SEMA6D: variants seen among roughly 807,000 people sequenced by gnomAD.
SEMA6D encodes semaphorin 6D, also known as semaphorin-6D.
SEMA6D carries 35 observed loss-of-function variants against 106.6 expected under a neutral mutation model. That is an observed-to-expected ratio of 0.33 (90% CI 0.25 to 0.44). SEMA6D has a LOEUF of 0.44. SEMA6D is among the 20% of genes least tolerant of loss of function. The pLI is 1.00. For missense variants in SEMA6D, 1,185 were observed against 1,345.9 expected, an observed-to-expected ratio of 0.88 and a Z score of 1.87; for synonymous variants, 499 against 487.7, an observed-to-expected ratio of 1.02 and a Z score of -0.31.
intron 2 of SEMA6D, among the ~76,000 whole-genome samples, chr15:47,442,675 C>T (rs2041916211): frequency 6.6e-6 from 1 of 152,078 alleles, no homozygotes; most frequent in African/African-American, 2.4e-5. Flanking sequence ...CTGGAAAGTG[C>T]TATACAAGTC....
chr15:47,605,078 G>A (rs1309810464), intron 4 of SEMA6D, among the ~76,000 whole-genome samples: 10 of 152,100 alleles, frequency 6.6e-5, no homozygotes, highest in Non-Finnish European at 1.3e-4. Context: ...AACACATGCT[G>A]TCTCACATAG....
intron 1 of SEMA6D, among the ~76,000 whole-genome samples, chr15:47,719,028 G>A (rs111238690): frequency 3.0e-3 from 452 of 152,252 alleles, no homozygotes; most frequent in African/African-American, 0.01. Context: ...GGTCATAAAG[G>A]ACTTGGAAGT....
chr15:47,521,612 A>T (rs1416702778), intron 3 of SEMA6D, among the ~76,000 whole-genome samples: 1 of 152,190 alleles, frequency 6.6e-6, no homozygotes, highest in Non-Finnish European at 1.5e-5. Context: ...TTGCGATTAC[A>T]ATCTCCTTAG....
chr15:47,260,284 G>T (rs12441169), intron 1 of SEMA6D, among the ~76,000 whole-genome samples: 67,167 of 151,428 alleles, frequency 0.44, 16,660 homozygotes, highest in Non-Finnish European at 0.56. Flanking sequence ...TGGACATTTT[G>T]TCTATTATGT....
chr15:47,601,738 T>C (rs1271918350), intron 4 of SEMA6D, among the ~76,000 whole-genome samples: 2 of 152,336 alleles, frequency 1.3e-5, no homozygotes, highest in East Asian at 3.9e-4. Context: ...AAGTTCTCCA[T>C]GTGTTAATTG....
intron 1 of SEMA6D, among the ~76,000 whole-genome samples, chr15:47,392,405 C>G (rs1355607332): frequency 6.6e-6 from 1 of 152,070 alleles, no homozygotes; most frequent in Non-Finnish European, 1.5e-5. Flanking sequence ...CCTGGGTGAG[C>G]TCAGTCTAAT....
chr15:47,640,798 T>G (rs1296338672), intron 4 of SEMA6D, among the ~76,000 whole-genome samples: 1 of 151,948 alleles, frequency 6.6e-6, no homozygotes, highest in Non-Finnish European at 1.5e-5. Context: ...CCCAAAGGAA[T>G]ATGATATTAA....
At chr15:47,476,824 C>A (rs567099127) in intron 3 of SEMA6D, among the ~76,000 whole-genome samples, 1 of 152,164 alleles carries the variant, frequency 6.6e-6, no homozygotes, top group South Asian at 2.1e-4. Flanking sequence ...TCTTAGCACC[C>A]CTGTACTTCC....
At chr15:47,715,616 C>G (rs939232521), upstream of SEMA6D, among the ~76,000 whole-genome samples, 1 of 152,128 alleles carries the variant, frequency 6.6e-6, no homozygotes, top group African/African-American at 2.4e-5. Flanking sequence ...ACGGCTAATC[C>G]ATGGCTTGAA....
At chr15:47,649,208 G>A (rs759194657) in intron 4 of SEMA6D, among the ~76,000 whole-genome samples, 6 of 152,236 alleles carry the variant, frequency 3.9e-5, no homozygotes, top group African/African-American at 1.4e-4. Flanking sequence ...AGGGCTTTAC[G>A]TGTCACTTAA....
At chr15:47,364,005 C>G (rs371319559) in intron 1 of SEMA6D, among the ~76,000 whole-genome samples, 1 of 152,154 alleles carries the variant, frequency 6.6e-6, no homozygotes, top group African/African-American at 2.4e-5. Context: ...GGGGAAACCA[C>G]TCCCATAATC....
intron 1 of SEMA6D, among the ~76,000 whole-genome samples, chr15:47,291,676 AT>A (rs1202309696): frequency 1.3e-5 from 2 of 152,250 alleles, no homozygotes; most frequent in Non-Finnish European, 2.9e-5. Flanking sequence ...TTGTCCCACT[AT>A]TATCTATAAT....
chr15:47,470,933 A>G (rs1422706899), intron 3 of SEMA6D, among the ~76,000 whole-genome samples: 2 of 152,196 alleles, frequency 1.3e-5, no homozygotes, highest in African/African-American at 4.8e-5. Flanking sequence ...CCCAAATTTT[A>G]TTCAATGTAA....
intron 4 of SEMA6D, among the ~76,000 whole-genome samples, chr15:47,619,396 A>T (rs1457202469): frequency 6.6e-6 from 1 of 152,214 alleles, no homozygotes; most frequent in East Asian, 1.9e-4. Flanking sequence ...GCATTAGATG[A>T]CAAGTCGCAC....
At chr15:47,240,028 C>A (rs563313250) in intron 1 of SEMA6D, among the ~76,000 whole-genome samples, 16 of 152,184 alleles carry the variant, frequency 1.1e-4, no homozygotes, top group African/African-American at 3.6e-4. Flanking sequence ...ATTTGTATAA[C>A]ATGATTATTA....
intron 4 of SEMA6D, among the ~76,000 whole-genome samples, chr15:47,711,782 G>A (rs543001888): frequency 2.6e-5 from 4 of 151,016 alleles, no homozygotes; most frequent in Non-Finnish European, 5.9e-5. Context: ...AGAAAAGATT[G>A]TTTTCATTTT....
intron 1 of SEMA6D, among the ~76,000 whole-genome samples, chr15:47,319,888 C>T (rs1289453884): frequency 6.6e-6 from 1 of 152,108 alleles, no homozygotes; most frequent in Non-Finnish European, 1.5e-5. Flanking sequence ...AAATTGTCCA[C>T]ACTGAGCTTT....
intron 3 of SEMA6D, among the ~76,000 whole-genome samples, chr15:47,563,920 C>T (rs1018728667): frequency 2.0e-5 from 3 of 152,208 alleles, no homozygotes. Flanking sequence ...ATCTTCCTTC[C>T]TACTCCCAGA....
chr15:47,222,389 C>G (rs936194926), intron 1 of SEMA6D, among the ~76,000 whole-genome samples: 11 of 152,086 alleles, frequency 7.2e-5, no homozygotes, highest in African/African-American at 2.7e-4. Flanking sequence ...GTTTTCTTTC[C>G]AGATACCACA....
Sources: gnomAD v4.1 joint callset for allele counts (sites outside exome capture counted in the v4.1 genomes callset) on GRCh38, gnomAD v4.1.1 for gene constraint, MANE v1.5 for transcripts, NCBI Gene and HGNC (gene_info 2026-07-23, HGNC 2026-07-21) for gene names.